The following SEC11A variants were observed in gnomAD, a reference collection of about 807,000 sequenced individuals.
SEC11A encodes SEC11 homolog A, signal peptidase complex subunit.
In SEC11A, 14 loss-of-function variants were observed where a neutral mutation model predicts 25.6. The ratio of observed to expected loss-of-function variants is 0.55; its 90% CI spans 0.36 to 0.85. The LOEUF is 0.85. SEC11A is among the 40% of genes least tolerant of loss of function. The pLI, the probability that SEC11A is intolerant of heterozygous loss-of-function variation, is 0.01. For missense variants in SEC11A, 153 were observed against 222.9 expected, an observed-to-expected ratio of 0.69 and a Z score of 2.00; for synonymous variants, 83 against 76.4, an observed-to-expected ratio of 1.09 and a Z score of -0.45.
At chr15:84,671,762 A>C (rs1896989121) in intron 4 of SEC11A, 1 of 152,226 alleles carries the variant, frequency 6.6e-6, no homozygotes, top group Admixed American at 6.5e-5. Flanking sequence ...TATCCAGTAC[A>C]TCCTGCCTGA....
chr15:84,704,935 T>TC (rs1898052193), intron 1 of SEC11A, among the ~76,000 whole-genome samples: 1 of 150,722 alleles, frequency 6.6e-6, no homozygotes, highest in Non-Finnish European at 1.5e-5. Flanking sequence ...TTTTTTTCTC[T>TC]TTTTAAAGAG....
At chr15:84,698,666 A>C (rs1348463070) in intron 1 of SEC11A, among the ~76,000 whole-genome samples, 1 of 152,232 alleles carries the variant, frequency 6.6e-6, no homozygotes, top group Non-Finnish European at 1.5e-5. Context: ...AATCTGTTAA[A>C]TCTTTTAAAA....
intron 1 of SEC11A, among the ~76,000 whole-genome samples, chr15:84,702,388 G>A (rs1236079047): frequency 2.0e-5 from 3 of 150,880 alleles, no homozygotes; most frequent in Non-Finnish European, 2.9e-5. Flanking sequence ...TTGAACCCGG[G>A]AGGCTCACTG....
chr15:84,705,665 G>T, intron 1 of SEC11A, among the ~76,000 whole-genome samples: 1 of 151,756 alleles, frequency 6.6e-6, no homozygotes, highest in East Asian at 2.0e-4. Context: ...GACTAGCCTG[G>T]TCAACATGGT....
chr15:84,694,331 G>T (rs1238073060), intron 1 of SEC11A, among the ~76,000 whole-genome samples: 3 of 151,812 alleles, frequency 2.0e-5, no homozygotes, highest in Non-Finnish European at 2.9e-5. Flanking sequence ...CTCCAGCCTG[G>T]GCAACTGAGC....
At chr15:84,679,903 G>A in intron 4 of SEC11A, 2 of 1,475,330 alleles carry the variant, frequency 1.4e-6, no homozygotes, top group Non-Finnish European at 1.8e-6. Context: ...GAGCAACAAT[G>A]CCATACTTCC....
intron 1 of SEC11A, among the ~76,000 whole-genome samples, chr15:84,703,405 T>C (rs533962209): frequency 1.8e-4 from 28 of 152,336 alleles, no homozygotes; most frequent in African/African-American, 6.3e-4. Context: ...CAGATACCCA[T>C]GGCTCCTAAC....
intron 1 of SEC11A, among the ~76,000 whole-genome samples, chr15:84,705,424 A>G (rs2141918936): frequency 6.6e-6 from 1 of 152,252 alleles, no homozygotes; most frequent in South Asian, 2.1e-4. Context: ...GTTCTCCAGT[A>G]TGTTGTATAT....
intron 2 of SEC11A, among the ~76,000 whole-genome samples, chr15:84,688,297 TG>T (rs1364307936): frequency 1.1e-4 from 16 of 152,180 alleles, no homozygotes; most frequent in African/African-American, 3.6e-4. Context: ...AGATAAAGCT[TG>T]TGTTATCAAT....
intron 4 of SEC11A, 150 bp downstream of exon 4, chr15:84,680,563 T>A (rs1336772958): frequency 1.3e-6 from 1 of 766,906 alleles, no homozygotes; most frequent in East Asian, 3.1e-5. Context: ...AGACACTTTT[T>A]AAGAAGCAAA....
chr15:84,690,600 G>A (rs1476908009), intron 2 of SEC11A, among the ~76,000 whole-genome samples: 1 of 138,364 alleles, frequency 7.2e-6, no homozygotes, highest in African/African-American at 2.8e-5. Flanking sequence ...CTGGGTAACA[G>A]AGCGAGACCC....
At chr15:84,680,299 T>G (rs958288627) in intron 4 of SEC11A, among the ~76,000 whole-genome samples, 2 of 147,328 alleles carry the variant, frequency 1.4e-5, no homozygotes, top group African/African-American at 5.0e-5. Context: ...AGACTCCATC[T>G]CAAAAAAAAG....
At chr15:84,676,915 A>G (rs970101528) in intron 4 of SEC11A, among the ~76,000 whole-genome samples, 1 of 152,016 alleles carries the variant, frequency 6.6e-6, no homozygotes, top group South Asian at 2.1e-4. Context: ...ACACAAGGAG[A>G]GCCAATCTCT....
chr15:84,686,098 G>A (rs73449374), intron 3 of SEC11A, among the ~76,000 whole-genome samples: 1,825 of 151,712 alleles, frequency 0.012, 34 homozygotes, highest in African/African-American at 0.041. Flanking sequence ...CACTGCTCCC[G>A]GCCCCAAACA....
chr15:84,695,236 GC>G (rs1022568203), intron 1 of SEC11A, among the ~76,000 whole-genome samples: 13 of 151,778 alleles, frequency 8.6e-5, no homozygotes, highest in Admixed American at 2.0e-4. Context: ...GCCAAGGCGA[GC>G]AGATCACCTG....
intron 1 of SEC11A, among the ~76,000 whole-genome samples, chr15:84,701,539 C>G (rs537583964): frequency 6.7e-6 from 1 of 150,162 alleles, no homozygotes; most frequent in African/African-American, 2.5e-5. Context: ...AGCAAGACTC[C>G]GTTTCAAGAA....
chr15:84,702,153 C>T (rs1897965172), intron 1 of SEC11A, among the ~76,000 whole-genome samples: 1 of 151,606 alleles, frequency 6.6e-6, no homozygotes, highest in African/African-American at 2.4e-5. Flanking sequence ...CAACTAATAA[C>T]CCGGCTAATT....
At chr15:84,712,649 T>C (rs1304069486) in intron 1 of SEC11A, among the ~76,000 whole-genome samples, 3 of 152,008 alleles carry the variant, frequency 2.0e-5, no homozygotes, top group East Asian at 3.9e-4. Context: ...GGTTTCACCA[T>C]GTTGGCCAGG....
intron 1 of SEC11A, among the ~76,000 whole-genome samples, chr15:84,715,550 T>C (rs1047370594): frequency 3.3e-5 from 5 of 152,088 alleles, no homozygotes; most frequent in African/African-American, 1.2e-4. Flanking sequence ...ACGGTTCAGC[T>C]CTACTAAAGG....
Sources: allele counts gnomAD v4.1 joint callset (sites outside exome capture counted in the v4.1 genomes callset), GRCh38; gene constraint gnomAD v4.1.1; transcripts MANE v1.5; gene names NCBI Gene and HGNC (gene_info 2026-07-23, HGNC 2026-07-21).